Variants in NOX3 observed in about 807,000 individuals in gnomAD.
The protein encoded by NOX3 is NADPH oxidase catalytic subunit-like 3.
NOX3 carries 74 observed loss-of-function variants against 76.7 expected under a neutral mutation model. The ratio of observed to expected loss-of-function variants is 0.96; its 90% CI spans 0.80 to 1.17. The LOEUF is 1.17. NOX3 is among the 50% of genes most tolerant of loss of function. The pLI is 0.00. For synonymous variants in NOX3, 263 were observed against 261.1 expected, an observed-to-expected ratio of 1.01 and a Z score of -0.07; for missense variants, 695 against 703.3, an observed-to-expected ratio of 0.99 and a Z score of 0.13.
rs768648103 is a variant in NOX3 at position 155,411,305 on chromosome 6, A to C, written c.1364T>G (p.Leu455Arg). 5 of 1,613,970 alleles carry C rather than the reference A, an allele frequency of 3.1e-6. No homozygotes were observed. The South Asian group carries it at 5.5e-5, about 18-fold the overall frequency. The change falls in exon 11 of 14, where the codon CTC becomes CGC. Residue 455 changes from leucine to arginine, a missense_variant. Physicochemically the swap from Leu to Arg is moderately radical, Grantham distance 102. Transcript: ENST00000159060. ...CATCCGTGTTTCCAGGGAGAGTAAG[A>C]GATCAGCAAACCACTCAAAAGCTCT... ...DARAFEWFADLLLSLETRMSE... is the reference protein window; with the variant it reads ...DARAFEWFADRLLSLETRMSE...
At chr6:155,402,410 A>G (rs1388109780) in intron 12 of NOX3, among the ~76,000 whole-genome samples, 2 of 152,228 alleles carry the variant, frequency 1.3e-5, no homozygotes, top group African/African-American at 4.8e-5. Context: ...TTTCAAAACT[A>G]TACTTGTGTT....
rs763038269 is a variant in NOX3 at position 155,436,508 on chromosome 6, C to A, written c.708G>T (p.Leu236=). ...VRGQTQDSLS[L]HNITFCRDRY... is the part of the protein sequence containing the mutation. Reference sequence around the variant, plus strand: ...GGTCTCTACAGAAGGTGATGTTGTGCAGAGAGAGACTGTCTTGGGTTTGGC... The same window carrying A: ...GGTCTCTACAGAAGGTGATGTTGTGAAGAGAGAGACTGTCTTGGGTTTGGC... The change falls in exon 7 of 14, where the codon CTG becomes CTT. Residue 236 remains leucine (L), a synonymous_variant. Transcript: ENST00000159060. 10 of 1,613,988 alleles carry A rather than the reference C, an allele frequency of 6.2e-6. No individual in the cohort carries two copies. Among genetic ancestry groups the A allele is most frequent in the Middle Eastern group, 1.6e-4 (1 of 6,084 alleles).
chr6:155,420,260 A>G (rs1168021572), intron 10 of NOX3, among the ~76,000 whole-genome samples: 1 of 152,182 alleles, frequency 6.6e-6, no homozygotes, highest in Non-Finnish European at 1.5e-5. Context: ...TAGTTGGATT[A>G]GTGAGTGAAT....
chr6:155,439,992 A>G lies in NOX3; in HGVS notation c.632T>C (p.Ile211Thr). 3 of 1,614,072 alleles carry G rather than the reference A, an allele frequency of 1.9e-6. No homozygotes were observed. The South Asian group carries it at 3.3e-5, about 18-fold the overall frequency. The change falls in exon 6 of 14, where the codon ATC becomes ACC. Residue 211 changes from isoleucine (I) to threonine (T), a missense_variant. Transcript: ENST00000159060. ...GATGGCCAGGCTGAGAAAGAAGACG[A>G]TGAAAACATGGTGTGTGTACCAGAA... ...ELFWYTHHVFIVFFLSLAIHG... is the reference protein window; with the variant it reads ...ELFWYTHHVFTVFFLSLAIHG...
At chr6:155,449,878 A>G (rs763805510) in intron 4 of NOX3, among the ~76,000 whole-genome samples, 8 of 152,246 alleles carry the variant, frequency 5.3e-5, no homozygotes, top group Non-Finnish European at 1.2e-4. Context: ...GCTGCTCCCA[A>G]GTGAATCTAC....
intron 7 of NOX3, among the ~76,000 whole-genome samples, chr6:155,432,226 C>T (rs535961839): frequency 8.5e-5 from 13 of 152,106 alleles, no homozygotes; most frequent in Non-Finnish European, 1.8e-4. Context: ...TCAATATCCT[C>T]TAATTCTTTT....
chr6:155,445,969 A>ATATATGCTATAT (rs1380551108), intron 4 of NOX3, among the ~76,000 whole-genome samples: 4 of 96,660 alleles, frequency 4.1e-5, no homozygotes, highest in African/African-American at 1.7e-4. Flanking sequence ...ATATATATAT[A>ATATATGCTATAT]ATATATATAT....
At position 155,396,845 on chromosome 6, in the gene NOX3, C is replaced by A. The variant is rs1779145528; in HGVS notation, c.1698G>T (p.Glu566Asp). Reference protein sequence around the residue: ...PRGVHFYYNKESF With the variant: ...PRGVHFYYNKDSF ...ACTTGACCTCCAAAGTCTAGAAGCT[C>A]TCCTTGTTGTAATAGAAATGAACAC... The change falls in exon 13 of 14, where the codon GAG becomes GAT. Residue 566 changes from glutamate to aspartate, a missense_variant. Physicochemically the swap from Glu to Asp is conservative, Grantham distance 45 (BLOSUM62 2). Coordinates refer to ENST00000159060, the MANE Select transcript of NOX3 (RefSeq NM_015718.3). 3.1e-6 allele frequency: 5 copies of A among 1,610,088 alleles called. No homozygotes were observed. The highest frequency in any genetic ancestry group is 4.2e-6 in the Non-Finnish European group (5 of 1,177,742).
Position 155,422,848 on chromosome 6 carries a change from A to G in NOX3, c.1154T>C (p.Val385Ala). The part of the protein sequence containing the change: ...QEPWSLPRLA[V>A]DGPFGTALTD... ...CAGGGCAGTTCCAAAGGGCCCGTCC[A>G]CTGCCAGCCTGGAATCATAGAGGAA... The change falls in exon 10 of 14, where the codon GTG becomes GCG. Residue 385 changes from valine (V) to alanine (A), a missense_variant. Coordinates refer to ENST00000159060, the MANE Select transcript of NOX3 (RefSeq NM_015718.3). 1 of 1,614,130 alleles carries G rather than the reference A, an allele frequency of 6.2e-7. No individual in the cohort carries two copies. The highest frequency in any genetic ancestry group is 8.5e-7 in the Non-Finnish European group (1 of 1,179,974).
chr6:155,453,359 G>T (rs771480954), intron 4 of NOX3, 45 bp downstream of exon 4: 1 of 1,369,244 alleles, frequency 7.3e-7, no homozygotes, highest in Non-Finnish European at 1.0e-6. Context: ...ATGAAGTTAG[G>T]CATCAGATAT....
intron 4 of NOX3, among the ~76,000 whole-genome samples, chr6:155,446,511 A>T (rs1309526179): frequency 1.3e-5 from 2 of 152,200 alleles, no homozygotes; most frequent in East Asian, 3.8e-4. Context: ...TCGACAGACC[A>T]GTATTCAAAG....
At chr6:155,431,091 A>G (rs1254897115) in intron 7 of NOX3, among the ~76,000 whole-genome samples, 156 bp from the exon 8 acceptor site, 1 of 152,210 alleles carries the variant, frequency 6.6e-6, no homozygotes, top group Non-Finnish European at 1.5e-5. Context: ...TCCTTGTATT[A>G]TATACTATAA....
chr6:155,415,453 A>G lies in NOX3; in HGVS notation c.1309-4093T>C, dbSNP rs1776611922. Among the ~76,000 whole-genome samples the G allele has an allele frequency of 2.0e-5, 3 of 152,210 alleles. No individual in the cohort carries two copies. In the South Asian group the frequency reaches 6.2e-4, roughly 32 times the overall value. ...ATCTGTATGTCTTTATATCCAAAAT[A>G]AATTTCCAGAGAATGAAACAGAAAA... On this transcript the variant is annotated intron_variant, in intron 10 of 13. Coordinates refer to ENST00000159060, the MANE Select transcript of NOX3 (RefSeq NM_015718.3).
chr6:155,433,170 T>C (rs1402090667), intron 7 of NOX3, among the ~76,000 whole-genome samples: 2 of 152,182 alleles, frequency 1.3e-5, no homozygotes, highest in East Asian at 3.8e-4. Context: ...TTTCTTTCCA[T>C]GGTTCAGGTA....
At chr6:155,401,064 A>C (rs561943449) in intron 12 of NOX3, among the ~76,000 whole-genome samples, 19 of 152,198 alleles carry the variant, frequency 1.2e-4, no homozygotes, top group Non-Finnish European at 2.1e-4. Context: ...ACAGTAACAT[A>C]TATATGCCTT....
At chr6:155,412,928 T>C (rs963650226) in intron 10 of NOX3, among the ~76,000 whole-genome samples, 5 of 152,210 alleles carry the variant, frequency 3.3e-5, no homozygotes, top group Non-Finnish European at 5.9e-5. Flanking sequence ...ATATAGGTTA[T>C]GTCAGATGGT....
At chr6:155,428,535 G>A (rs1308033322) in intron 9 of NOX3, among the ~76,000 whole-genome samples, 1 of 151,530 alleles carries the variant, frequency 6.6e-6, no homozygotes, top group East Asian at 2.0e-4. Flanking sequence ...ACCTGGAAGA[G>A]AAACCTCCTT....
chr6:155,408,871 T>C (rs953687771), intron 11 of NOX3, among the ~76,000 whole-genome samples: 1 of 147,914 alleles, frequency 6.8e-6, no homozygotes, highest in African/African-American at 2.5e-5. Context: ...AAATACTCTA[T>C]ATTCTCACTT....
intron 8 of NOX3, among the ~76,000 whole-genome samples, chr6:155,430,610 T>C (rs1453315075): frequency 1.3e-5 from 2 of 152,034 alleles, no homozygotes; most frequent in African/African-American, 4.8e-5. Flanking sequence ...ATTCCAGTGC[T>C]GTACAATAAA....
Sources: gnomAD v4.1 joint callset for allele counts (sites outside exome capture counted in the v4.1 genomes callset) on GRCh38, gnomAD v4.1.1 for gene constraint, MANE v1.5 for transcripts, NCBI Gene and HGNC (gene_info 2026-07-23, HGNC 2026-07-21) for gene names.